The following NPHP4 variants were observed in gnomAD, a reference collection of about 807,000 sequenced individuals.
NPHP4 encodes the protein nephrocystin 4, also known as nephrocystin-4.
A neutral mutation model predicts 155.8 loss-of-function variants in NPHP4; 151 were observed. That is an observed-to-expected ratio of 0.97 (90% CI 0.85 to 1.11). The LOEUF (loss-of-function observed/expected upper bound fraction) is 1.11. Ranked by LOEUF, NPHP4 falls within the 50% of genes least tolerant of loss-of-function variation. NPHP4 has a pLI of 0.00. For missense variants in NPHP4, 1,956 were observed against 1,925.7 expected (o/e 1.02, Z -0.29); for synonymous variants, 845 against 816.8 (o/e 1.03, Z -0.59).
Position 5,867,611 on chromosome 1 carries a change from C to G in NPHP4, c.3472+129G>C. ...CATAAAGGCAGGAGAGAGAATTCCC[C>G]AGGCCCCACGTGCTGCTCTGACAGC... On this transcript the variant is annotated intron_variant, in intron 24 of 29. Coordinates refer to ENST00000378156, the MANE Select transcript of NPHP4 (RefSeq NM_015102.5). The surrounding 1 kb of genome is among the most constrained non-coding windows in gnomAD (Gnocchi z 4.1). 1.1e-6 allele frequency: 1 copy of G among 929,194 alleles called. No homozygotes were observed. Among genetic ancestry groups the G allele is most frequent in the Non-Finnish European group, 1.6e-6 (1 of 622,096 alleles). The allele number at this position is 929,194 out of a possible 1,614,324, so 57.6% of individuals were successfully genotyped here.
At chr1:5,895,952 C>T (rs1014165213) in intron 16 of NPHP4, among the ~76,000 whole-genome samples, 1 of 151,850 alleles carries the variant, frequency 6.6e-6, no homozygotes, top group African/African-American at 2.4e-5. Flanking sequence ...CAGAGCATGA[C>T]GCAGCTACCG....
At chr1:5,983,076 GC>G (rs942122764) in intron 2 of NPHP4, among the ~76,000 whole-genome samples, 2 of 152,188 alleles carry the variant, frequency 1.3e-5, no homozygotes, top group African/African-American at 4.8e-5. Context: ...CTTGGGAGTA[GC>G]GTTAAGAGAT....
intron 28 of NPHP4, 116 bp from the exon 29 acceptor site, chr1:5,864,149 T>C: frequency 1.6e-6 from 2 of 1,257,056 alleles, no homozygotes. Context: ...CCCACAGAGA[T>C]AAGACAGACG....
chr1:5,960,982 C>T (rs2102127501), intron 6 of NPHP4, among the ~76,000 whole-genome samples: 1 of 152,326 alleles, frequency 6.6e-6, no homozygotes, highest in South Asian at 2.1e-4. Context: ...CATGGTCCAT[C>T]CATAGACTGG....
Position 5,874,558 on chromosome 1 carries a change from G to A in NPHP4, c.3144C>T (p.Ala1048=), listed in dbSNP as rs540738356. 70 of 1,605,648 alleles carry A rather than the reference G, an allele frequency of 4.4e-5. No homozygotes were observed. Among genetic ancestry groups the A allele is most frequent in the Admixed American group, 1.2e-4 (7 of 59,048 alleles). The change falls in exon 22 of 30, where the codon GCC becomes GCT. Residue 1048 remains alanine, a synonymous_variant. Coordinates refer to ENST00000378156, the MANE Select transcript of NPHP4 (RefSeq NM_015102.5). ...CGTGGGGGCGCAGGTAGAGCTGGGG[G>A]GCCAGGCTGCCACGCAGGTGGAACA... ...EDMFHLRGSL[A]PQLYLRPHET...
intron 26 of NPHP4, 99 bp downstream of exon 26, chr1:5,866,274 G>C: frequency 1.2e-6 from 1 of 816,798 alleles, no homozygotes; most frequent in African/African-American, 1.7e-5. Flanking sequence ...CCCAATTTTA[G>C]GAAGGGGCCA....
At chr1:5,974,640 T>C (rs1653192081) in intron 3 of NPHP4, among the ~76,000 whole-genome samples, 1 of 150,990 alleles carries the variant, frequency 6.6e-6, no homozygotes, top group Non-Finnish European at 1.5e-5. Flanking sequence ...GTCTGGGGAC[T>C]GCTCTCCTGC....
At chr1:5,920,935 G>A (rs1386211035) in intron 11 of NPHP4, among the ~76,000 whole-genome samples, 1 of 152,076 alleles carries the variant, frequency 6.6e-6, no homozygotes, top group East Asian at 1.9e-4. Flanking sequence ...CTAACCCAAA[G>A]GCCATAAAAA....
At chr1:5,930,114 C>A (rs971832535) in intron 10 of NPHP4, among the ~76,000 whole-genome samples, 3 of 152,106 alleles carry the variant, frequency 2.0e-5, no homozygotes, top group Non-Finnish European at 4.4e-5. Flanking sequence ...CCCTTATTAT[C>A]CTTTTAATAC....
rs552559539 is a variant in NPHP4 at position 5,910,294 on chromosome 1, A to G, written c.1442-1081T>C. Among the ~76,000 whole-genome samples the G allele has an allele frequency of 3.3e-5, 5 of 152,136 alleles. No homozygotes were observed. In the South Asian group the frequency reaches 1.0e-3, roughly 32 times the overall value. On this transcript the variant is annotated intron_variant, in intron 11 of 29. Coordinates refer to ENST00000378156, the MANE Select transcript of NPHP4 (RefSeq NM_015102.5). This position sits in a 1 kb window ranked among gnomAD's most constrained non-coding sequence, Gnocchi z 5.4. Reference sequence around the variant, plus strand: ...ATGTCCTGTCCCCACCTGGCTCATGACAGCCTCCTTCACGGTGACAGGACT... The same window carrying G: ...ATGTCCTGTCCCCACCTGGCTCATGGCAGCCTCCTTCACGGTGACAGGACT...
At chr1:5,874,810 G>A in intron 21 of NPHP4, 64 bp downstream of exon 21, 1 of 1,557,692 alleles carries the variant, frequency 6.4e-7, no homozygotes, top group Non-Finnish European at 8.8e-7. Context: ...CAGCTCAGCA[G>A]GGGTGCCGGC....
intron 2 of NPHP4, among the ~76,000 whole-genome samples, chr1:5,980,124 C>G (rs1333769192): frequency 6.6e-6 from 1 of 152,134 alleles, no homozygotes; most frequent in Admixed American, 6.5e-5. Flanking sequence ...CAGCTGCCCA[C>G]CCTCCCTGGC....
chr1:5,863,855 T>C (rs1294650940), intron 29 of NPHP4, 35 bp downstream of exon 29: 12 of 1,612,026 alleles, frequency 7.4e-6, no homozygotes, highest in Non-Finnish European at 1.0e-5. Context: ...TCCCCGGGTC[T>C]TCCCCTAGGA....
chr1:5,964,221 T>A (rs997506653), intron 5 of NPHP4, among the ~76,000 whole-genome samples: 12 of 152,210 alleles, frequency 7.9e-5, no homozygotes, highest in Non-Finnish European at 1.6e-4. Flanking sequence ...AGCTTCTGTG[T>A]CCGTAAAACG....
intron 9 of NPHP4, among the ~76,000 whole-genome samples, chr1:5,934,020 T>C (rs1195669884): frequency 1.3e-5 from 2 of 152,196 alleles, no homozygotes; most frequent in Non-Finnish European, 2.9e-5. Flanking sequence ...CAAACACGGT[T>C]TCACGGCTTG....
rs370641339 is a variant in NPHP4, at chr1:5,874,606, C to T, written c.3096G>A (p.Leu1032=). ...ACATGTCCTCCTCCACCGGTGTGTG[C>T]AGGCCAGCAGCACCCTTGAAGTCCC... ...EWRDFKGAAG[L]HTPVEEDMFH... Residue 1032 remains leucine, a synonymous_variant, in exon 22 of 30, where the codon CTG becomes CTA. Transcript: ENST00000378156. The T allele has an allele frequency of 4.3e-6, 7 of 1,611,948 alleles. No homozygotes were observed. The highest frequency in any genetic ancestry group is 5.9e-6 in the Non-Finnish European group (7 of 1,179,398).
intron 12 of NPHP4, among the ~76,000 whole-genome samples, chr1:5,908,212 G>A (rs1042730813): frequency 1.3e-5 from 2 of 152,192 alleles, no homozygotes; most frequent in South Asian, 2.1e-4. Flanking sequence ...GACCCTATAC[G>A]GTATCGTGAC....
chr1:5,990,711 A>G (rs1656116058), intron 1 of NPHP4, among the ~76,000 whole-genome samples: 1 of 152,176 alleles, frequency 6.6e-6, no homozygotes, highest in Non-Finnish European at 1.5e-5. Context: ...CACTACCTCA[A>G]TCAAGGAGGC....
intron 2 of NPHP4, among the ~76,000 whole-genome samples, chr1:5,980,321 T>TA (rs1299887360): frequency 6.6e-6 from 1 of 152,100 alleles, no homozygotes; most frequent in African/African-American, 2.4e-5. Flanking sequence ...TCACCACCCC[T>TA]AAATGGAAAC....
Sources: gnomAD v4.1 joint callset for allele counts (sites outside exome capture counted in the v4.1 genomes callset) on GRCh38, gnomAD v4.1.1 for gene constraint, Gnocchi (gnomAD v3.1) non-coding constraint, MANE v1.5 for transcripts, NCBI Gene and HGNC (gene_info 2026-07-23, HGNC 2026-07-21) for gene names.